Variants in HAT1 observed in about 807,000 individuals in gnomAD.
HAT1 encodes histone acetyltransferase 1, also known as histone acetyltransferase type B catalytic subunit.
HAT1 carries 20 observed loss-of-function variants against 56.6 expected under a neutral mutation model. The ratio of observed to expected loss-of-function variants is 0.35; its 90% CI spans 0.25 to 0.51. The LOEUF (loss-of-function observed/expected upper bound fraction) is 0.51. Among genes scored for constraint, HAT1 ranks in the 20% least tolerant of loss-of-function variants. HAT1 has a pLI of 0.95. For missense variants in HAT1, 408 were observed against 504.3 expected (o/e 0.81, Z 1.83); for synonymous variants, 146 against 165.5 (o/e 0.88, Z 0.91).
At chr2:171,929,630 A>T (rs922346517) in intron 2 of HAT1, among the ~76,000 whole-genome samples, 4 of 152,160 alleles carry the variant, frequency 2.6e-5, no homozygotes, top group African/African-American at 9.7e-5. Flanking sequence ...GATCCATCTC[A>T]TGTTATTTTT....
chr2:171,968,402 G>A (rs1273681776), intron 8 of HAT1, among the ~76,000 whole-genome samples: 1 of 152,122 alleles, frequency 6.6e-6, no homozygotes, highest in East Asian at 1.9e-4. Context: ...CTACTCTAGT[G>A]GGTAATGTGC....
chr2:171,938,984 G>A (rs558013849), intron 2 of HAT1, among the ~76,000 whole-genome samples: 2 of 152,092 alleles, frequency 1.3e-5, no homozygotes, highest in African/African-American at 2.4e-5. Context: ...CAAGCAATTC[G>A]CCTGCCTTGG....
intron 4 of HAT1, among the ~76,000 whole-genome samples, chr2:171,959,882 T>C (rs1687534517): frequency 1.3e-5 from 2 of 152,226 alleles, no homozygotes; most frequent in Non-Finnish European, 2.9e-5. Flanking sequence ...AGCCATGTTA[T>C]AATCTGAGGG....
chr2:171,974,134 G>A (rs545123057), intron 8 of HAT1, among the ~76,000 whole-genome samples: 25 of 117,448 alleles, frequency 2.1e-4, no homozygotes, highest in Admixed American at 1.6e-3. Context: ...AGCCAAGATC[G>A]TACACTGCAC....
chr2:171,956,644 T>C (rs1558972847), intron 4 of HAT1, among the ~76,000 whole-genome samples: 1 of 152,250 alleles, frequency 6.6e-6, no homozygotes, highest in Non-Finnish European at 1.5e-5. Flanking sequence ...AGCTGAGTTA[T>C]GTCCTGCAGT....
In HAT1 at chr2:171,965,948, C is replaced by T. The variant is rs747614202; in HGVS notation, c.611+40C>T. 16 of 1,553,460 alleles carry T rather than the reference C, an allele frequency of 1.0e-5. No individual in the cohort carries two copies. The Admixed American group carries it at 3.1e-4, about 30-fold the overall frequency. ...AAAGCAACAGTAGACCTTATTACCT[C>T]CACAAAGCCAGCATTTTAATTGTGG... On this transcript the variant is annotated intron_variant, in intron 6 of 10. Transcript: ENST00000264108.
chr2:171,958,305 G>A (rs558056983), intron 4 of HAT1, among the ~76,000 whole-genome samples: 1 of 151,232 alleles, frequency 6.6e-6, no homozygotes, highest in Non-Finnish European at 1.5e-5. Flanking sequence ...AGGCTCTTGG[G>A]CTTACTGCTT....
At chr2:171,965,582 G>A in intron 5 of HAT1, 65 bp downstream of exon 5, 1 of 1,131,630 alleles carries the variant, frequency 8.8e-7, no homozygotes, top group Non-Finnish European at 1.3e-6. Flanking sequence ...ATGTAGTTTT[G>A]TTGTCAGTGA....
chr2:171,976,686 A>G (rs914267137), intron 9 of HAT1, among the ~76,000 whole-genome samples: 4 of 152,204 alleles, frequency 2.6e-5, no homozygotes, highest in African/African-American at 9.6e-5. Flanking sequence ...CACGTATTTC[A>G]TTTTATATAC....
chr2:171,946,686 A>ATT (rs771067618), intron 2 of HAT1, 22 bp from the exon 3 acceptor site: 1 of 1,419,412 alleles, frequency 7.0e-7, no homozygotes, highest in East Asian at 2.3e-5. Flanking sequence ...TAATATCTCT[A>ATT]TTTTTTTGTC....
intron 3 of HAT1, among the ~76,000 whole-genome samples, chr2:171,949,865 C>G (rs1305721344): frequency 2.0e-5 from 3 of 152,074 alleles, no homozygotes; most frequent in Non-Finnish European, 4.4e-5. Flanking sequence ...TTTTGATGCT[C>G]AAATTATCCC....
chr2:171,980,194 A>G (rs1574071939), intron 10 of HAT1: 1 of 152,206 alleles, frequency 6.6e-6, no homozygotes, highest in East Asian at 1.9e-4. Flanking sequence ...TCTTTAAAAA[A>G]TCTGAATGCC....
chr2:171,955,766 T>G (rs934096502), intron 4 of HAT1, among the ~76,000 whole-genome samples: 2 of 152,048 alleles, frequency 1.3e-5, no homozygotes, highest in African/African-American at 4.8e-5. Flanking sequence ...GAACATGAGC[T>G]GGATGCGTTG....
chr2:171,937,267 T>C (rs988919573), intron 2 of HAT1, among the ~76,000 whole-genome samples: 1 of 152,242 alleles, frequency 6.6e-6, no homozygotes, highest in Non-Finnish European at 1.5e-5. Flanking sequence ...TAATAAGACA[T>C]GTAGACTATA....
intron 2 of HAT1, among the ~76,000 whole-genome samples, chr2:171,943,161 G>A (rs1380165061): frequency 6.6e-6 from 1 of 151,542 alleles, no homozygotes; most frequent in Admixed American, 6.6e-5. Context: ...CAACACTTTG[G>A]GAGGCTGAGG....
chr2:171,924,450 C>G (rs1686527964), intron 1 of HAT1: 1 of 152,146 alleles, frequency 6.6e-6, no homozygotes, highest in Non-Finnish European at 1.5e-5. Context: ...GCCTCGGCCT[C>G]CCAAAGTGCT....
chr2:171,963,807 A>AG (rs1687628599), intron 4 of HAT1, among the ~76,000 whole-genome samples: 1 of 152,164 alleles, frequency 6.6e-6, no homozygotes, highest in Admixed American at 6.5e-5. Flanking sequence ...AGCAATTTCA[A>AG]GGAAAAATAT....
At chr2:171,960,830 A>C (rs1397589515) in intron 4 of HAT1, among the ~76,000 whole-genome samples, 1 of 151,954 alleles carries the variant, frequency 6.6e-6, no homozygotes, top group Non-Finnish European at 1.5e-5. Flanking sequence ...TTGGTAACAT[A>C]ATAAGACCCT....
At chr2:171,969,796 A>C (rs1186443872) in intron 8 of HAT1, among the ~76,000 whole-genome samples, 1 of 152,140 alleles carries the variant, frequency 6.6e-6, no homozygotes, top group East Asian at 1.9e-4. Context: ...GTTTTTCTCA[A>C]CTGTAACTCA....
Sources: gnomAD v4.1 joint callset for allele counts (sites outside exome capture counted in the v4.1 genomes callset) on GRCh38, gnomAD v4.1.1 for gene constraint, MANE v1.5 for transcripts, NCBI Gene and HGNC (gene_info 2026-07-23, HGNC 2026-07-21) for gene names.